The following ZNF723 variants were observed in gnomAD, a reference collection of about 807,000 sequenced individuals.
ZNF723 encodes the protein zinc finger protein 723, pseudogene.
ZNF723 carries 5 observed loss-of-function variants against 9.4 expected under a neutral mutation model. The ratio of observed to expected loss-of-function variants is 0.53; its 90% CI spans 0.28 to 1.12. The LOEUF (loss-of-function observed/expected upper bound fraction) is 1.12, where lower values mean the gene tolerates loss of function less well. ZNF723 is among the 50% of genes most tolerant of loss of function. The probability of loss-of-function intolerance (pLI) is 0.10; values close to 1 mark genes in which losing one functional copy is unlikely to be tolerated. For missense variants in ZNF723, 450 were observed against 501.5 expected, an observed-to-expected ratio of 0.90 and a Z score of 0.98; for synonymous variants, 158 against 168.8, an observed-to-expected ratio of 0.94 and a Z score of 0.49.
intron 1 of ZNF723, among the ~76,000 whole-genome samples, chr19:22,834,326 G>A (rs184644222): frequency 3.9e-5 from 6 of 152,062 alleles, no homozygotes; most frequent in East Asian, 3.9e-4. Flanking sequence ...TCCTTTAGAA[G>A]AAAGCAAAGA....
intron 1 of ZNF723, among the ~76,000 whole-genome samples, chr19:22,833,580 C>A (rs1967125574): frequency 6.6e-6 from 1 of 152,054 alleles, no homozygotes. Context: ...ATTCCAAACG[C>A]TAACTTTTCC....
chr19:22,827,873 G>A (rs1022026395), upstream of ZNF723, among the ~76,000 whole-genome samples: 2 of 151,966 alleles, frequency 1.3e-5, no homozygotes, highest in African/African-American at 2.4e-5. Flanking sequence ...TCGTGAGTTC[G>A]AGACCAGCCT....
intron 1 of ZNF723, 69 bp from the exon 2 acceptor site, chr19:22,848,192 C>A: frequency 1.7e-6 from 1 of 580,148 alleles, no homozygotes; most frequent in South Asian, 3.2e-5. Flanking sequence ...CACCTTCAGT[C>A]AAATTAAAAA....
the ZNF723 span, among the ~76,000 whole-genome samples, chr19:22,820,769 G>A: frequency 2.6e-5 from 4 of 152,082 alleles, no homozygotes; most frequent in African/African-American, 7.2e-5. Flanking sequence ...CACGTGATAC[G>A]GTGTTTCTCA....
the ZNF723 span, among the ~76,000 whole-genome samples, chr19:22,823,586 G>A: frequency 6.6e-6 from 1 of 152,058 alleles, no homozygotes; most frequent in Non-Finnish European, 1.5e-5. Context: ...GAAGTGTTTG[G>A]GATTGTTTAT....
chr19:22,814,250 C>CA, the ZNF723 span, among the ~76,000 whole-genome samples: 13 of 152,274 alleles, frequency 8.5e-5, no homozygotes, highest in East Asian at 2.3e-3. Context: ...ATGAAAGTCT[C>CA]AGACTCGATT....
At chr19:22,845,739 G>A (rs973173113) in intron 1 of ZNF723, among the ~76,000 whole-genome samples, 1 of 152,096 alleles carries the variant, frequency 6.6e-6, no homozygotes, top group African/African-American at 2.4e-5. Context: ...AGCGGGTCTT[G>A]GTACTTCTGC....
intron 1 of ZNF723, among the ~76,000 whole-genome samples, chr19:22,834,532 A>G (rs1187009824): frequency 6.6e-6 from 1 of 152,044 alleles, no homozygotes; most frequent in Admixed American, 6.6e-5. Flanking sequence ...AAACGAAGAT[A>G]CTGTGTCTAT....
At chr19:22,838,947 A>G (rs1477917712) in intron 1 of ZNF723, among the ~76,000 whole-genome samples, 1 of 152,034 alleles carries the variant, frequency 6.6e-6, no homozygotes, top group Admixed American at 6.6e-5. Context: ...GGGTTTCTCC[A>G]TGTTGGCCAG....
upstream of ZNF723, among the ~76,000 whole-genome samples, chr19:22,831,917 A>AT (rs1568401959): frequency 1.3e-5 from 2 of 152,192 alleles, no homozygotes; most frequent in African/African-American, 4.8e-5. Flanking sequence ...TCAAAAAAAA[A>AT]AATAATAAAT....
chr19:22,856,583 C>T (rs1050921311), intron 3 of ZNF723, among the ~76,000 whole-genome samples: 41 of 152,170 alleles, frequency 2.7e-4, no homozygotes, highest in African/African-American at 8.2e-4. Context: ...TCGCTTGCTA[C>T]ACCTGTTCCC....
chr19:22,822,822 A>T, the ZNF723 span, among the ~76,000 whole-genome samples: 1 of 152,196 alleles, frequency 6.6e-6, no homozygotes. Flanking sequence ...AGATCGCGCC[A>T]CTGCACTCCA....
intron 1 of ZNF723, among the ~76,000 whole-genome samples, chr19:22,834,395 C>T (rs181660543): frequency 2.8e-4 from 42 of 152,088 alleles, no homozygotes; most frequent in Admixed American, 2.6e-3. Flanking sequence ...TTTATCTTCC[C>T]TAGGCACAGA....
Position 22,854,357 on chromosome 19 carries a change from G to A in ZNF723, c.227-2761G>A, listed in dbSNP as rs376495506. 7.2e-5 allele frequency among the ~76,000 whole-genome samples: 11 copies of A among 152,028 alleles called. No homozygotes were observed. The East Asian group carries it at 1.5e-3, about 21-fold the overall frequency. On this transcript the variant is annotated intron_variant, in intron 3 of 3. Transcript: ENST00000600766. ...GTATCTGCATAGAATGTGTATGTCC[G>A]TCTTGCCACTTTCTGTCTTTTTTTA...
chr19:22,820,601 A>G, the ZNF723 span, among the ~76,000 whole-genome samples: 1 of 152,190 alleles, frequency 6.6e-6, no homozygotes, highest in South Asian at 2.1e-4. Flanking sequence ...ACCATCCAAT[A>G]AGAGATATAC....
the ZNF723 span, among the ~76,000 whole-genome samples, chr19:22,824,333 C>T: frequency 4.7e-4 from 71 of 152,124 alleles, no homozygotes; most frequent in African/African-American, 1.7e-3. Flanking sequence ...TGGTGTGACT[C>T]TCTTCTTTCT....
chr19:22,824,467 A>G, the ZNF723 span, among the ~76,000 whole-genome samples: 1 of 152,078 alleles, frequency 6.6e-6, no homozygotes, highest in East Asian at 1.9e-4. Context: ...TCACTGGTAC[A>G]ATGATGACAC....
At chr19:22,830,852 T>A (rs529700992), upstream of ZNF723, among the ~76,000 whole-genome samples, 2 of 152,318 alleles carry the variant, frequency 1.3e-5, no homozygotes, top group South Asian at 2.1e-4. Flanking sequence ...AACCTCTGCC[T>A]CCTGGGTTGA....
chr19:22,817,302 A>G, the ZNF723 span, among the ~76,000 whole-genome samples: 4 of 152,162 alleles, frequency 2.6e-5, no homozygotes, highest in African/African-American at 9.7e-5. Context: ...TGGGCCCTAC[A>G]TATTTTGGGT....
Sources: allele counts gnomAD v4.1 joint callset (sites outside exome capture counted in the v4.1 genomes callset), GRCh38; gene constraint gnomAD v4.1.1; transcripts MANE v1.5; gene names NCBI Gene and HGNC (gene_info 2026-07-23, HGNC 2026-07-21).